The following MTUS1 variants were observed in gnomAD, a reference collection of about 807,000 sequenced individuals.
MTUS1 encodes the protein microtubule associated scaffold protein 1, also known as microtubule-associated tumor suppressor 1.
MTUS1 carries 109 observed loss-of-function variants against 120.8 expected under a neutral mutation model. That is an observed-to-expected ratio of 0.90 (90% CI 0.77 to 1.06). MTUS1 has a LOEUF of 1.06. Ranked by LOEUF, MTUS1 falls within the 50% of genes least tolerant of loss-of-function variation. The probability of loss-of-function intolerance (pLI) is 0.00; values close to 1 mark genes in which losing one functional copy is unlikely to be tolerated. For synonymous variants in MTUS1, 737 were observed against 550.5 expected (o/e 1.34, Z -4.74); for missense variants, 2,210 against 1,486.3 (o/e 1.49, Z -8.01).
chr8:17,701,890 C>T (rs182862837), intron 6 of MTUS1, among the ~76,000 whole-genome samples: 1 of 152,242 alleles, frequency 6.6e-6, no homozygotes, highest in Admixed American at 6.5e-5. Context: ...CATCAGACTG[C>T]TCTCCAATTT....
intron 8 of MTUS1, among the ~76,000 whole-genome samples, chr8:17,664,449 T>C (rs1810446845): frequency 6.7e-6 from 1 of 149,876 alleles, no homozygotes; most frequent in African/African-American, 2.5e-5. Context: ...GTGGCGACTC[T>C]CCCCCACCCC....
At chr8:17,675,079 A>G in intron 8 of MTUS1, 107 bp downstream of exon 8, 1 of 1,567,230 alleles carries the variant, frequency 6.4e-7, no homozygotes, top group Non-Finnish European at 8.7e-7. Context: ...AGGGAGTGCC[A>G]ACAGCTCCCA....
intron 6 of MTUS1, among the ~76,000 whole-genome samples, chr8:17,690,226 T>A (rs1429872729): frequency 6.6e-6 from 1 of 152,128 alleles, no homozygotes; most frequent in South Asian, 2.1e-4. Context: ...AACAGATGTT[T>A]CTCAAAAGAA....
chr8:17,655,885 T>G lies in MTUS1; in HGVS notation c.3086A>C (p.Tyr1029Ser). 6.2e-7 allele frequency: 1 copy of G among 1,614,234 alleles called. No homozygotes were observed. The highest frequency in any genetic ancestry group is 8.5e-7 in the Non-Finnish European group (1 of 1,180,040). The change falls in exon 9 of 15, where the codon TAC becomes TCC. Residue 1029 changes from tyrosine to serine, a missense_variant. Tyr to Ser is a moderately radical substitution (Grantham distance 144). Transcript: ENST00000693296. The part of the protein sequence containing the change: ...RDTYIEEAEK[Y>S]KMQLQEQFDN... ...GACCTGCTCTTGCAATTGCATTTTG[T>G]ACTTCTCTGCTTCTTCAATGTAAGT...
chr8:17,758,928 C>CT (rs1161426296), intron 1 of MTUS1, among the ~76,000 whole-genome samples: 1 of 152,202 alleles, frequency 6.6e-6, no homozygotes, highest in Non-Finnish European at 1.5e-5. Context: ...GTCGCCCGGG[C>CT]TGGAGTGCAG....
At chr8:17,790,940 C>G (rs1038591247) in intron 1 of MTUS1, among the ~76,000 whole-genome samples, 3 of 152,012 alleles carry the variant, frequency 2.0e-5, no homozygotes, top group Non-Finnish European at 4.4e-5. Context: ...TCAGCCGGAT[C>G]GTACCACTGC....
chr8:17,661,867 G>A (rs1321297009), intron 8 of MTUS1, among the ~76,000 whole-genome samples: 1 of 152,178 alleles, frequency 6.6e-6, no homozygotes. Context: ...GTGTGCTGCT[G>A]GGGAACAGCT....
At position 17,784,383 on chromosome 8, in the gene MTUS1, C is replaced by A. The variant is rs532621805; in HGVS notation, c.-155+16678G>T. ...CCATCTCGGCTCACTGCAACCTCCACCTCCCACATTGAAGTGATTCTCCAG... is the reference window on the plus strand; with the variant it reads ...CCATCTCGGCTCACTGCAACCTCCAACTCCCACATTGAAGTGATTCTCCAG... On this transcript the variant is annotated intron_variant, in intron 1 of 14. Coordinates refer to ENST00000693296, the MANE Select transcript of MTUS1 (RefSeq NM_001363059.2). Among the ~76,000 whole-genome samples the A allele has an allele frequency of 3.4e-3, 509 of 151,152 alleles. 1 individual carries two copies. The highest frequency in any genetic ancestry group is 6.1e-3 in the Non-Finnish European group (413 of 67,878).
intron 1 of MTUS1, among the ~76,000 whole-genome samples, chr8:17,760,826 G>A (rs1052184771): frequency 5.6e-5 from 8 of 143,446 alleles, no homozygotes; most frequent in Admixed American, 4.1e-4. Context: ...AAAAAAACTT[G>A]AAACAAACCA....
At chr8:17,700,110 A>G (rs568281612) in intron 6 of MTUS1, among the ~76,000 whole-genome samples, 1 of 152,312 alleles carries the variant, frequency 6.6e-6, no homozygotes, top group Non-Finnish European at 1.5e-5. Context: ...AGTAGAGGAA[A>G]AAATAAGGAA....
intron 6 of MTUS1, among the ~76,000 whole-genome samples, chr8:17,686,957 G>A (rs1166415630): frequency 2.6e-5 from 4 of 152,076 alleles, no homozygotes; most frequent in South Asian, 2.1e-4. Flanking sequence ...AGTGAAATTC[G>A]AGGACATACA....
At chr8:17,751,736 T>C (rs1414474132) in intron 2 of MTUS1, among the ~76,000 whole-genome samples, 3 of 151,532 alleles carry the variant, frequency 2.0e-5, no homozygotes, top group Admixed American at 1.3e-4. Context: ...TGCACGCCTG[T>C]AGTCCCAGCT....
intron 7 of MTUS1, chr8:17,681,538 G>A (rs775564199): frequency 2.7e-4 from 42 of 154,676 alleles, no homozygotes; most frequent in African/African-American, 9.9e-4. Context: ...TCTTTGGTGA[G>A]GATTTAAATA....
At chr8:17,736,900 T>C (rs2046971458) in intron 3 of MTUS1, among the ~76,000 whole-genome samples, 1 of 152,116 alleles carries the variant, frequency 6.6e-6, no homozygotes, top group South Asian at 2.1e-4. Flanking sequence ...TCTTTTATTT[T>C]TGGATTCATC....
chr8:17,791,000 T>G (rs1187565811), intron 1 of MTUS1, among the ~76,000 whole-genome samples: 1 of 151,854 alleles, frequency 6.6e-6, no homozygotes, highest in Non-Finnish European at 1.5e-5. Context: ...GGGGAGAAGT[T>G]TTATCCCATT....
intron 8 of MTUS1, among the ~76,000 whole-genome samples, chr8:17,657,657 A>C (rs566284478): frequency 4.1e-4 from 21 of 50,926 alleles, no homozygotes; most frequent in Non-Finnish European, 6.8e-4. Context: ...ATCTCTTAAA[A>C]TTAAAAAAAA....
intron 4 of MTUS1, among the ~76,000 whole-genome samples, chr8:17,720,237 T>G (rs429226): frequency 6.6e-6 from 1 of 151,304 alleles, no homozygotes; most frequent in African/African-American, 2.4e-5. Context: ...CCCAGCTACT[T>G]GGGAGGTTCA....
Position 17,753,980 on chromosome 8 carries a change from A to C in MTUS1, c.1828T>G (p.Ser610Ala). The C allele has an allele frequency of 6.2e-7, 1 of 1,614,186 alleles. No homozygotes were observed. Among genetic ancestry groups the C allele is most frequent in the Non-Finnish European group, 8.5e-7 (1 of 1,180,028 alleles). The change falls in exon 2 of 15, where the codon TCG (serine) becomes GCG (alanine). Residue 610 changes from serine (S) to alanine (A), a missense_variant. Physicochemically the swap from Ser to Ala is moderately conservative, Grantham distance 99. Transcript: ENST00000693296. ...GCTTTGTCAACATCTTCCTGATTCG[A>C]TTTCACGGCAGATGTTGTTCTTGGA... ...RVPRTTSAVKSNQEDVDKASS... is the reference protein window; with the variant it reads ...RVPRTTSAVKANQEDVDKASS...
intron 6 of MTUS1, among the ~76,000 whole-genome samples, chr8:17,711,400 A>C (rs1821274355): frequency 6.6e-6 from 1 of 151,976 alleles, no homozygotes; most frequent in Non-Finnish European, 1.5e-5. Flanking sequence ...CTGTACTTTC[A>C]TGTTATGAAG....
Sources: allele counts gnomAD v4.1 joint callset (sites outside exome capture counted in the v4.1 genomes callset), GRCh38; gene constraint gnomAD v4.1.1; transcripts MANE v1.5; gene names NCBI Gene and HGNC (gene_info 2026-07-23, HGNC 2026-07-21).